The following TANGO6 variants were observed in gnomAD, a reference collection of about 807,000 sequenced individuals.
TANGO6 encodes the protein transport and Golgi organization protein 6 homolog.
In TANGO6, 90 loss-of-function variants were observed where a neutral mutation model predicts 114.2. The ratio of observed to expected loss-of-function variants is 0.79; its 90% CI spans 0.66 to 0.94. TANGO6 has a LOEUF of 0.94. Among genes scored for constraint, TANGO6 ranks in the 40% least tolerant of loss-of-function variants. The pLI, the probability that TANGO6 is intolerant of heterozygous loss-of-function variation, is 0.00. For missense variants in TANGO6, 1,274 were observed against 1,315.3 expected (o/e 0.97, Z 0.49); for synonymous variants, 477 against 509.8 (o/e 0.94, Z 0.87).
At chr16:69,002,856 A>G (rs2152221635) in intron 15 of TANGO6, among the ~76,000 whole-genome samples, 1 of 152,148 alleles carries the variant, frequency 6.6e-6, no homozygotes, top group Middle Eastern at 3.4e-3. Context: ...AGCCTGGCCA[A>G]CATGGTAAAA....
chr16:68,916,013 A>G (rs1387876965), intron 11 of TANGO6, among the ~76,000 whole-genome samples: 1 of 152,180 alleles, frequency 6.6e-6, no homozygotes, highest in Non-Finnish European at 1.5e-5. Flanking sequence ...CATTTATTCA[A>G]AGGTGTTTTT....
At chr16:68,988,343 C>G (rs1963915594) in intron 15 of TANGO6, among the ~76,000 whole-genome samples, 1 of 152,190 alleles carries the variant, frequency 6.6e-6, no homozygotes, top group Non-Finnish European at 1.5e-5. Flanking sequence ...TGACAATTGA[C>G]TTGCCTTTTT....
At chr16:68,948,941 C>T (rs1447974918) in intron 14 of TANGO6, among the ~76,000 whole-genome samples, 3 of 152,224 alleles carry the variant, frequency 2.0e-5, no homozygotes, top group East Asian at 3.9e-4. Flanking sequence ...AATCCCAGCA[C>T]TTTGGGAGGC....
At chr16:69,062,026 G>GA (rs943193047) in intron 17 of TANGO6, among the ~76,000 whole-genome samples, 10 of 149,926 alleles carry the variant, frequency 6.7e-5, no homozygotes, top group East Asian at 3.9e-4. Flanking sequence ...TCTCAAAAAA[G>GA]AAAAAAAAAG....
intron 15 of TANGO6, among the ~76,000 whole-genome samples, chr16:69,015,464 TTTTATTTA>T (rs60863406): frequency 1.0e-4 from 15 of 143,868 alleles, no homozygotes; most frequent in African/African-American, 2.5e-4. Flanking sequence ...GCTCATTTTA[TTTTATTTA>T]TTTATTTATT....
At chr16:69,065,348 C>T (rs1960198480) in intron 17 of TANGO6, among the ~76,000 whole-genome samples, 1 of 152,196 alleles carries the variant, frequency 6.6e-6, no homozygotes, top group African/African-American at 2.4e-5. Context: ...TTTAGGACTC[C>T]TGAGCTATCA....
intron 15 of TANGO6, among the ~76,000 whole-genome samples, chr16:69,011,748 C>T (rs1964145335): frequency 1.3e-5 from 2 of 152,206 alleles, no homozygotes; most frequent in Admixed American, 1.3e-4. Context: ...TGACAGCACC[C>T]CTCTGCTATG....
intron 14 of TANGO6, among the ~76,000 whole-genome samples, chr16:68,933,322 G>A (rs1338620539): frequency 6.6e-6 from 1 of 151,986 alleles, no homozygotes; most frequent in Non-Finnish European, 1.5e-5. Context: ...GGCTGAAGCA[G>A]GAGAATTGCT....
intron 8 of TANGO6, among the ~76,000 whole-genome samples, 184 bp from the exon 9 acceptor site, chr16:68,902,144 G>A (rs891256142): frequency 7.2e-5 from 11 of 151,924 alleles, no homozygotes; most frequent in Admixed American, 2.6e-4. Flanking sequence ...TGAATTTCAG[G>A]ATATTTGCAT....
At chr16:68,870,821 G>C (rs994335042) in intron 4 of TANGO6, among the ~76,000 whole-genome samples, 1 of 149,038 alleles carries the variant, frequency 6.7e-6, no homozygotes, top group African/African-American at 2.5e-5. Flanking sequence ...TTTTTGAGAC[G>C]GAATTTCGCT....
intron 15 of TANGO6, among the ~76,000 whole-genome samples, chr16:69,017,117 C>T (rs1959313651): frequency 6.6e-6 from 1 of 152,074 alleles, no homozygotes; most frequent in South Asian, 2.1e-4. Context: ...AGAGTCTGAG[C>T]AAATAAGATA....
At chr16:68,844,189 T>C (rs1961769166) in intron 1 of TANGO6, among the ~76,000 whole-genome samples, 1 of 152,040 alleles carries the variant, frequency 6.6e-6, no homozygotes, top group African/African-American at 2.4e-5. Context: ...GGGGAGAGTA[T>C]TTAGGGGTTA....
At chr16:68,987,647 G>C (rs560776303) in intron 15 of TANGO6, among the ~76,000 whole-genome samples, 127 of 152,300 alleles carry the variant, frequency 8.3e-4, no homozygotes, top group Middle Eastern at 3.4e-3. Flanking sequence ...TGGAATTATA[G>C]GCATGAGCCA....
chr16:68,991,743 G>T (rs148044545), intron 15 of TANGO6, among the ~76,000 whole-genome samples: 5 of 151,992 alleles, frequency 3.3e-5, no homozygotes, highest in Admixed American at 3.3e-4. Flanking sequence ...ACTTGAACCC[G>T]ATTAAAGGGA....
At chr16:68,911,032 G>A (rs143310298) in intron 11 of TANGO6, among the ~76,000 whole-genome samples, 2 of 152,238 alleles carry the variant, frequency 1.3e-5, no homozygotes, top group East Asian at 3.9e-4. Context: ...ATAAGTTAAT[G>A]TAATTTTGTG....
chr16:68,902,786 A>G (rs893373937), intron 9 of TANGO6, among the ~76,000 whole-genome samples: 1 of 152,198 alleles, frequency 6.6e-6, no homozygotes, highest in Non-Finnish European at 1.5e-5. Flanking sequence ...AATCAGAGTA[A>G]AGGGCAGACA....
intron 17 of TANGO6, among the ~76,000 whole-genome samples, chr16:69,079,641 C>G (rs1361747709): frequency 6.6e-6 from 1 of 151,858 alleles, no homozygotes; most frequent in African/African-American, 2.4e-5. Context: ...GAAAAAAATA[C>G]AAATTTATGT....
At chr16:68,943,880 T>C (rs1294484672) in intron 14 of TANGO6, among the ~76,000 whole-genome samples, 4 of 152,238 alleles carry the variant, frequency 2.6e-5, no homozygotes, top group Non-Finnish European at 4.4e-5. Context: ...ATTGTCAGCA[T>C]GCCAGCCTAG....
intron 17 of TANGO6, among the ~76,000 whole-genome samples, chr16:69,067,233 G>T (rs1256935511): frequency 6.6e-6 from 1 of 152,142 alleles, no homozygotes; most frequent in Non-Finnish European, 1.5e-5. Flanking sequence ...CTGAGGCTGG[G>T]CACGGTGGCT....
Sources: allele counts gnomAD v4.1 joint callset (sites outside exome capture counted in the v4.1 genomes callset), GRCh38; gene constraint gnomAD v4.1.1; transcripts MANE v1.5; gene names NCBI Gene and HGNC (gene_info 2026-07-23, HGNC 2026-07-21).